The following PPP3CB variants were observed in gnomAD, a reference collection of about 807,000 sequenced individuals.
The protein encoded by PPP3CB is protein phosphatase 3 catalytic subunit beta, also known as serine/threonine-protein phosphatase 2B catalytic subunit beta isoform.
In PPP3CB, 8 loss-of-function variants were observed where a neutral mutation model predicts 66.4. That is an observed-to-expected ratio of 0.12 (90% CI 0.07 to 0.22). PPP3CB has a LOEUF of 0.22. Among genes scored for constraint, PPP3CB ranks in the 10% least tolerant of loss-of-function variants. The pLI is 1.00. For synonymous variants in PPP3CB, 208 were observed against 221.2 expected (o/e 0.94, Z 0.53); for missense variants, 319 against 642.5 (o/e 0.50, Z 5.44).
intron 13 of PPP3CB, among the ~76,000 whole-genome samples, chr10:73,439,520 G>T (rs764002701): frequency 5.3e-5 from 8 of 152,092 alleles, no homozygotes; most frequent in Non-Finnish European, 1.2e-4. Flanking sequence ...GCAAAATATG[G>T]AACAGATCTC....
intron 1 of PPP3CB, among the ~76,000 whole-genome samples, chr10:73,484,015 G>A (rs539557417): frequency 5.3e-5 from 8 of 151,886 alleles, no homozygotes; most frequent in African/African-American, 9.6e-5. Flanking sequence ...GTGGTGTCGC[G>A]CCTGTAGTCC....
intron 4 of PPP3CB, among the ~76,000 whole-genome samples, chr10:73,472,550 A>G (rs568725204): frequency 6.6e-6 from 1 of 151,748 alleles, no homozygotes; most frequent in South Asian, 2.1e-4. Context: ...CTTCACCTTT[A>G]TCGGCCAAAT....
At chr10:73,467,707 T>C (rs768667895) in intron 8 of PPP3CB, 29 bp from the exon 9 acceptor site, 5 of 1,493,728 alleles carry the variant, frequency 3.3e-6, no homozygotes, top group South Asian at 2.5e-5. Flanking sequence ...ATCAATAACT[T>C]AATAGATAAG....
intron 9 of PPP3CB, among the ~76,000 whole-genome samples, chr10:73,458,191 C>T (rs1193652604): frequency 2.0e-5 from 3 of 152,120 alleles, no homozygotes; most frequent in Non-Finnish European, 2.9e-5. Flanking sequence ...GGCTGGAGTG[C>T]AGTGGTGTGA....
chr10:73,445,385 C>T (rs1313753374), intron 11 of PPP3CB, among the ~76,000 whole-genome samples: 3 of 152,198 alleles, frequency 2.0e-5, no homozygotes, highest in Non-Finnish European at 4.4e-5. Flanking sequence ...ATAACAATCA[C>T]CAGAGTCAAA....
intron 12 of PPP3CB, among the ~76,000 whole-genome samples, chr10:73,443,282 A>AAGACAGACAGAC (rs1286657975): frequency 1.2e-4 from 13 of 112,546 alleles, no homozygotes; most frequent in African/African-American, 4.0e-4. Context: ...GAAAGAAAGA[A>AAGACAGACAGAC]AGACAGAAAG....
chr10:73,471,159 T>C lies in PPP3CB; in HGVS notation c.720A>G (p.Leu240=), dbSNP rs2056695728. Residue 240 remains leucine (L), a synonymous_variant, in exon 6 of 14, where the codon TTA becomes TTG. Coordinates refer to ENST00000360663, the MANE Select transcript of PPP3CB (RefSeq NM_021132.4). ...PPAFGPMCDL[L]WSDPSEDFGN... ...CAAAATCTTCAGAAGGATCGGACCA[T>C]AACAAGTCACACATTGGTCCAAATG... The C allele has an allele frequency of 6.2e-7, 1 of 1,610,672 alleles. No homozygotes were observed. Among genetic ancestry groups the C allele is most frequent in the African/African-American group, 1.3e-5 (1 of 74,860 alleles).
intron 10 of PPP3CB, among the ~76,000 whole-genome samples, chr10:73,451,899 C>T (rs1015601803): frequency 7.2e-5 from 11 of 151,894 alleles, no homozygotes; most frequent in African/African-American, 2.7e-4. Context: ...GCACCCACCA[C>T]AACGACCGGC....
In PPP3CB at chr10:73,468,721, T is replaced by C. The variant is rs553661612; in HGVS notation, c.983-1043A>G. Among the ~76,000 whole-genome samples the C allele has an allele frequency of 1.6e-4, 24 of 152,328 alleles. No homozygotes were observed. The South Asian group carries it at 5.0e-3, about 32-fold the overall frequency. Reference sequence around the variant, plus strand: ...GAGAATCAAAAGTAATCCTGCTACATGTTACTGTTTACTAACTTAATAAGT... The same window carrying C: ...GAGAATCAAAAGTAATCCTGCTACACGTTACTGTTTACTAACTTAATAAGT... On this transcript the variant is annotated intron_variant, in intron 8 of 13. Coordinates refer to ENST00000360663, the MANE Select transcript of PPP3CB (RefSeq NM_021132.4).
At chr10:73,470,991 T>C in intron 6 of PPP3CB, 27 bp from the exon 7 acceptor site, 1 of 1,608,240 alleles carries the variant, frequency 6.2e-7, no homozygotes, top group South Asian at 1.1e-5. Context: ...GTAAATTAAG[T>C]AAAATAATGG....
intron 12 of PPP3CB, among the ~76,000 whole-genome samples, chr10:73,443,331 A>AG (rs1589682226): frequency 3.1e-5 from 4 of 129,300 alleles, no homozygotes; most frequent in Admixed American, 7.3e-5. Context: ...AAAGAAAGAA[A>AG]AAGAAAGAGA....
Position 73,458,520 on chromosome 10 carries a change from G to A in PPP3CB, c.1109-4031C>T, listed in dbSNP as rs1471782522. On this transcript the variant is annotated intron_variant, in intron 9 of 13. Transcript: ENST00000360663. ...AGGATTTGAAAATATATTCATCCTC[G>A]GCTGGGTGTGGTAGCTCATGCCTGT... 6.6e-5 allele frequency among the ~76,000 whole-genome samples: 10 copies of A among 151,892 alleles called. No individual in the cohort carries two copies. The East Asian group carries it at 1.9e-3, about 29-fold the overall frequency.
chr10:73,455,126 A>G (rs142833269), intron 9 of PPP3CB, among the ~76,000 whole-genome samples: 7,082 of 151,404 alleles, frequency 0.047, 506 homozygotes, highest in African/African-American at 0.15. Context: ...CTCATGATCC[A>G]CCCGCCTTGG....
At chr10:73,469,773 A>G (rs1379798834) in intron 8 of PPP3CB, among the ~76,000 whole-genome samples, 2 of 152,150 alleles carry the variant, frequency 1.3e-5, no homozygotes, top group East Asian at 3.8e-4. Context: ...CTTATTTAGC[A>G]ATGACCTCAT....
chr10:73,442,714 G>GTTT (rs574022832), intron 12 of PPP3CB, among the ~76,000 whole-genome samples: 1 of 139,118 alleles, frequency 7.2e-6, no homozygotes, highest in African/African-American at 2.6e-5. Context: ...AAAGCAGGTT[G>GTTT]TTTTTTTTTT....
chr10:73,454,424 C>A lies in PPP3CB; in HGVS notation c.1174G>T (p.Asp392Tyr). 1 of 1,607,550 alleles carries A rather than the reference C, an allele frequency of 6.2e-7. No homozygotes were observed. The highest frequency in any genetic ancestry group is 8.5e-7 in the Non-Finnish European group (1 of 1,175,274). Residue 392 changes from aspartate (D) to tyrosine (Y), a missense_variant, in exon 10 of 14, where the codon GAC (aspartate) becomes TAC (tyrosine). Transcript: ENST00000360663. ...TGAATAATCATACCATCAAACTGGT[C>A]TTCACCTTCAGTCATTAGTTCATCA... Reference protein sequence around the residue: ...SDDELMTEGEDQFDGSAAARK... With the variant: ...SDDELMTEGEYQFDGSAAARK...
intron 1 of PPP3CB, among the ~76,000 whole-genome samples, chr10:73,482,126 A>G (rs551143872): frequency 6.6e-6 from 1 of 152,312 alleles, no homozygotes; most frequent in East Asian, 1.9e-4. Flanking sequence ...CAAAAATGAG[A>G]AGGTTAAATA....
chr10:73,445,066 C>T (rs2056225447), intron 11 of PPP3CB, among the ~76,000 whole-genome samples: 1 of 152,148 alleles, frequency 6.6e-6, no homozygotes. Context: ...TGGTAAGATT[C>T]ATCAAGGGGC....
rs1399483675 is a variant in PPP3CB at position 73,487,140 on chromosome 10, C to T, written c.86-7623G>A. On this transcript the variant is annotated intron_variant, in intron 1 of 13. Transcript: ENST00000360663. ...AGCCGGGATTGGGCCACTGTACTCC[C>T]GCCTGGGCGAGAGTGAGACTTTCTC... 4.0e-5 allele frequency among the ~76,000 whole-genome samples: 6 copies of T among 150,966 alleles called. No individual in the cohort carries two copies. In the East Asian group the frequency reaches 6.0e-4, roughly 15 times the overall value.
Sources: gnomAD v4.1 joint callset for allele counts (sites outside exome capture counted in the v4.1 genomes callset) on GRCh38, gnomAD v4.1.1 for gene constraint, MANE v1.5 for transcripts, NCBI Gene and HGNC (gene_info 2026-07-23, HGNC 2026-07-21) for gene names.